Variants in DDC observed in about 807,000 individuals in gnomAD.
DDC encodes dopa decarboxylase, also known as aromatic-L-amino-acid decarboxylase.
In DDC, 43 loss-of-function variants were observed where a neutral mutation model predicts 60.0. The ratio of observed to expected loss-of-function variants is 0.72; its 90% CI spans 0.56 to 0.92. DDC has a LOEUF of 0.92. DDC is among the 40% of genes least tolerant of loss of function. DDC has a pLI of 0.00. For missense variants in DDC, 573 were observed against 620.2 expected, an observed-to-expected ratio of 0.92 and a Z score of 0.81; for synonymous variants, 232 against 234.6, an observed-to-expected ratio of 0.99 and a Z score of 0.10.
At chr7:50,515,638 T>G (rs1007396633) in intron 6 of DDC, among the ~76,000 whole-genome samples, 1 of 152,058 alleles carries the variant, frequency 6.6e-6, no homozygotes, top group African/African-American at 2.4e-5. Flanking sequence ...AAGATACAGA[T>G]CCACAGAATG....
chr7:50,481,579 A>T (rs1282564000), intron 9 of DDC, among the ~76,000 whole-genome samples: 1 of 152,206 alleles, frequency 6.6e-6, no homozygotes, highest in Admixed American at 6.5e-5. Context: ...CATACAAAAG[A>T]TGTAAAGAAT....
intron 5 of DDC, 108 bp downstream of exon 5, chr7:50,529,100 G>GA (rs1321755577): frequency 7.5e-5 from 109 of 1,443,904 alleles, no homozygotes; most frequent in Non-Finnish European, 1.0e-4. Flanking sequence ...GATACCTGAG[G>GA]AACTGTTCTT....
Position 50,537,902 on chromosome 7 carries a change from T to C in DDC, c.393A>G (p.Ala131=). 10 of 1,614,116 alleles carry C rather than the reference T, an allele frequency of 6.2e-6. 1 individual carries two copies. The South Asian group carries it at 9.9e-5, about 16-fold the overall frequency. ...WLGKMLELPK[A]FLNEKAGEGG... is the part of the protein sequence containing the mutation. ...CTTCTCCAGCTTTCTCATTCAAAAA[T>C]GCCTTTGGTAGTTCCAGCATCTTCC... is the stretch of plus-strand genomic sequence containing the variant. Residue 131 remains alanine (A), a synonymous_variant, in exon 4 of 15, where the codon GCA becomes GCG. Coordinates refer to ENST00000444124, the MANE Select transcript of DDC (RefSeq NM_001082971.2).
intron 11 of DDC, among the ~76,000 whole-genome samples, chr7:50,470,906 A>G (rs964826197): frequency 6.6e-6 from 1 of 152,294 alleles, no homozygotes; most frequent in African/African-American, 2.4e-5. Flanking sequence ...TCATCTTAAC[A>G]GTCATATTCT....
rs1025795093 is a variant in DDC at position 50,467,289 on chromosome 7, C to T, written c.1167G>A (p.Glu389=). 3.7e-6 allele frequency: 6 copies of T among 1,614,092 alleles called. No individual in the cohort carries two copies. In the African/African-American group the frequency reaches 5.3e-5, roughly 14 times the overall value. The change falls in exon 13 of 15, where the codon GAG becomes GAA. Residue 389 remains glutamate (E), a synonymous_variant. Transcript: ENST00000444124. Reference sequence around the variant, plus strand: ...AGCGGGGATCCTGGCGCACCAGTGACTCAAACTCATGGGACAGCTGGACAT... The same window carrying T: ...AGCGGGGATCCTGGCGCACCAGTGATTCAAACTCATGGGACAGCTGGACAT... ...RKHVQLSHEF[E]SLVRQDPRFE...
At chr7:50,533,791 A>G (rs996426266) in intron 4 of DDC, among the ~76,000 whole-genome samples, 3 of 152,244 alleles carry the variant, frequency 2.0e-5, no homozygotes, top group Non-Finnish European at 4.4e-5. Flanking sequence ...CACACTGCAC[A>G]GAGCTGAGTC....
At chr7:50,479,694 G>T in intron 10 of DDC, 93 bp downstream of exon 10, 1 of 1,084,594 alleles carries the variant, frequency 9.2e-7, no homozygotes, top group South Asian at 1.2e-5. Flanking sequence ...CCTTGGATAT[G>T]GATGGTCTTC....
intron 13 of DDC, among the ~76,000 whole-genome samples, chr7:50,466,679 C>T (rs1157981850): frequency 6.6e-6 from 1 of 152,166 alleles, no homozygotes; most frequent in African/African-American, 2.4e-5. Flanking sequence ...CCAGCCTGCC[C>T]TCACCTGGTG....
chr7:50,474,010 G>A (rs1158403589), intron 11 of DDC, among the ~76,000 whole-genome samples: 1 of 152,192 alleles, frequency 6.6e-6, no homozygotes, highest in African/African-American at 2.4e-5. Flanking sequence ...GAAAGGGAGT[G>A]CCAGTCAAGG....
intron 4 of DDC, among the ~76,000 whole-genome samples, chr7:50,534,317 C>T (rs769526084): frequency 3.3e-5 from 5 of 152,136 alleles, no homozygotes; most frequent in African/African-American, 9.7e-5. Flanking sequence ...CCACTCTGAC[C>T]GATCTCCTAC....
intron 11 of DDC, 30 bp from the exon 12 acceptor site, chr7:50,470,201 T>C (rs1247778352): frequency 6.7e-7 from 1 of 1,481,800 alleles, no homozygotes; most frequent in Admixed American, 1.7e-5. Flanking sequence ...AGACCATCAG[T>C]GAGGAAGATA....
At chr7:50,502,780 A>ACC (rs2043291748) in intron 7 of DDC, among the ~76,000 whole-genome samples, 1 of 152,220 alleles carries the variant, frequency 6.6e-6, no homozygotes, top group Non-Finnish European at 1.5e-5. Flanking sequence ...GGGATGGTGC[A>ACC]TTTTCCCTGC....
At chr7:50,560,913 A>G (rs997387612) in intron 1 of DDC, 2 of 152,328 alleles carry the variant, frequency 1.3e-5, no homozygotes, top group Admixed American at 1.3e-4. Flanking sequence ...AGAATTCAGC[A>G]CAGCTAGAAT....
rs1343197301 is a variant in DDC at position 50,467,328 on chromosome 7, A to G, written c.1141-13T>C. 7 of 1,610,842 alleles carry G rather than the reference A, an allele frequency of 4.3e-6. No individual in the cohort carries two copies. Among genetic ancestry groups the G allele is most frequent in the Non-Finnish European group, 5.9e-6 (7 of 1,176,992 alleles). On this transcript the variant is annotated splice_polypyrimidine_tract_variant and intron_variant, in intron 12 of 14. Transcript: ENST00000444124. ...ACAGCTGGACATGCTTCAAAGAGGAAAGGGAAAATCTGTTTTTCTCATGGC... is the reference window on the plus strand; with the variant it reads ...ACAGCTGGACATGCTTCAAAGAGGAGAGGGAAAATCTGTTTTTCTCATGGC...
chr7:50,553,671 GAGAT>G, intron 1 of DDC, among the ~76,000 whole-genome samples: 1 of 151,882 alleles, frequency 6.6e-6, no homozygotes, highest in Middle Eastern at 3.4e-3. Context: ...ATTTTTAGTA[GAGAT>G]GGGGTTTTAC....
At chr7:50,478,602 G>T (rs1300546259) in intron 10 of DDC, among the ~76,000 whole-genome samples, 2 of 152,228 alleles carry the variant, frequency 1.3e-5, no homozygotes, top group African/African-American at 4.8e-5. Flanking sequence ...GACGAGTAAA[G>T]AACTGGCCCA....
intron 1 of DDC, among the ~76,000 whole-genome samples, chr7:50,548,469 A>G (rs2044877714): frequency 3.9e-5 from 6 of 152,236 alleles, no homozygotes; most frequent in Admixed American, 3.9e-4. Flanking sequence ...TCTGATATGG[A>G]GAGTATTTTA....
Position 50,479,788 on chromosome 7 carries a change from T to C in DDC, c.1020A>G (p.Ser340=). 6.2e-7 allele frequency: 1 copy of C among 1,613,210 alleles called. No individual in the cohort carries two copies. Among genetic ancestry groups the C allele is most frequent in the Non-Finnish European group, 8.5e-7 (1 of 1,179,616 alleles). ...PTYLKHSHQD[S]GLITDYRHWQ... ...ACAGAAAGCAGGCTCACAGCTTACCTGAATCCTGATGGCTGTGCTTCAGGT... is the reference window on the plus strand; with the variant it reads ...ACAGAAAGCAGGCTCACAGCTTACCCGAATCCTGATGGCTGTGCTTCAGGT... Residue 340 remains serine (S), a splice_region_variant and synonymous_variant, in exon 10 of 15, where the codon TCA becomes TCG. Transcript: ENST00000444124.
chr7:50,496,769 C>T (rs1305367232), intron 8 of DDC, among the ~76,000 whole-genome samples: 2 of 152,104 alleles, frequency 1.3e-5, no homozygotes, highest in African/African-American at 4.8e-5. Flanking sequence ...TACTGGGAAA[C>T]TTTTCAGTCT....
Sources: gnomAD v4.1 joint callset for allele counts (sites outside exome capture counted in the v4.1 genomes callset) on GRCh38, gnomAD v4.1.1 for gene constraint, MANE v1.5 for transcripts, NCBI Gene and HGNC (gene_info 2026-07-23, HGNC 2026-07-21) for gene names.